Variants in RBBP8 observed in about 807,000 individuals in gnomAD.
RBBP8 encodes the protein RB binding protein 8, endonuclease.
RBBP8 carries 88 observed loss-of-function variants against 108.3 expected under a neutral mutation model. The ratio of observed to expected loss-of-function variants is 0.81; its 90% CI spans 0.68 to 0.97. RBBP8 has a LOEUF of 0.97. Ranked by LOEUF, RBBP8 falls within the 50% of genes least tolerant of loss-of-function variation. RBBP8 has a pLI of 0.00. For synonymous variants in RBBP8, 332 were observed against 348.2 expected (o/e 0.95, Z 0.52); for missense variants, 1,023 against 1,049.0 (o/e 0.98, Z 0.34).
intron 3 of RBBP8, among the ~76,000 whole-genome samples, chr18:22,923,827 C>T (rs963728519): frequency 6.6e-6 from 1 of 152,142 alleles, no homozygotes; most frequent in Non-Finnish European, 1.5e-5. Flanking sequence ...AACTCACAAC[C>T]AGGGCTGGGA....
In RBBP8 at chr18:22,980,474, T is replaced by C. The variant is rs73966417; in HGVS notation, c.429-1744T>C. 1.5e-3 allele frequency among the ~76,000 whole-genome samples: 230 copies of C among 152,136 alleles called. 1 individual carries two copies. Among genetic ancestry groups the C allele is most frequent in the African/African-American group, 5.3e-3 (219 of 41,496 alleles). On this transcript the variant is annotated intron_variant, in intron 6 of 18. Transcript: ENST00000327155. ...TGAGCATTCCAAGCAGGTGGAACAA[T>C]TGGTGCAAAGAACCTAAGGTGGGAG...
chr18:22,968,705 G>A (rs563120942), intron 4 of RBBP8, 101 bp from the exon 5 acceptor site: 16 of 889,060 alleles, frequency 1.8e-5, no homozygotes, highest in East Asian at 1.4e-4. Context: ...GATTTTCACA[G>A]TATTTGCCAA....
chr18:22,975,158 G>T lies in RBBP8; in HGVS notation c.367G>T (p.Glu123Ter), dbSNP rs370650618. The change falls in exon 6 of 19, where the codon GAA becomes TAA. Residue 123 changes from glutamate to a stop codon, truncating the protein, a stop_gained. Transcript: ENST00000327155. LOFTEE classifies it high-confidence loss of function. ...TTTTTCACATTGTTTTTAAGTGAAT[G>T]AAAGGAATACTCTACAGGAAGAAAA... Reference protein sequence around the residue: ...NLKLITELMNERNTLQEENKK... With the variant: ...NLKLITELMN The T allele has an allele frequency of 3.1e-6, 5 of 1,610,812 alleles. No individual in the cohort carries two copies. The highest frequency in any genetic ancestry group is 1.3e-5 in the African/African-American group (1 of 74,782).
chr18:22,975,463 A>G (rs1379944009), intron 6 of RBBP8, among the ~76,000 whole-genome samples: 1 of 152,096 alleles, frequency 6.6e-6, no homozygotes, highest in East Asian at 1.9e-4. Flanking sequence ...GATTTATTAT[A>G]AATAATACAT....
At chr18:22,958,442 G>C (rs1019545033) in intron 4 of RBBP8, among the ~76,000 whole-genome samples, 1 of 152,058 alleles carries the variant, frequency 6.6e-6, no homozygotes, top group African/African-American at 2.4e-5. Flanking sequence ...TTTTTTTCTA[G>C]AATTTCTCAC....
intron 3 of RBBP8, among the ~76,000 whole-genome samples, chr18:22,927,834 G>A (rs1231403586): frequency 6.6e-6 from 1 of 151,876 alleles, no homozygotes; most frequent in Non-Finnish European, 1.5e-5. Flanking sequence ...GGCAGAGGTT[G>A]CAGTGAGTCG....
chr18:23,018,218 C>T (rs1386183421), intron 17 of RBBP8, among the ~76,000 whole-genome samples: 3 of 151,598 alleles, frequency 2.0e-5, no homozygotes, highest in East Asian at 1.9e-4. Context: ...CCACCATGCC[C>T]GGCTAATTTT....
chr18:22,992,935 T>C lies in RBBP8; in HGVS notation c.1108T>C (p.Ser370Pro). 6.2e-7 allele frequency: 1 copy of C among 1,613,742 alleles called. No homozygotes were observed. Among genetic ancestry groups the C allele is most frequent in the South Asian group, 1.1e-5 (1 of 91,054 alleles). The change falls in exon 11 of 19, where the codon TCT becomes CCT. Residue 370 changes from serine to proline, a missense_variant. Transcript: ENST00000327155. ...KTLPFSNTCI[S>P]RLEKTRSKSE... ...ACTCCCTTTTAGCAACACTTGTATATCTAGATTAGAAAAAACTAGATCAAA... is the reference window on the plus strand; with the variant it reads ...ACTCCCTTTTAGCAACACTTGTATACCTAGATTAGAAAAAACTAGATCAAA...
At chr18:22,982,993 A>G (rs1475108755) in intron 7 of RBBP8, among the ~76,000 whole-genome samples, 1 of 152,128 alleles carries the variant, frequency 6.6e-6, no homozygotes, top group African/African-American at 2.4e-5. Flanking sequence ...GTAACTGGCT[A>G]TTTTTATTTG....
chr18:22,918,980 A>C (rs1357652178), intron 3 of RBBP8, among the ~76,000 whole-genome samples: 3 of 152,222 alleles, frequency 2.0e-5, no homozygotes, highest in Non-Finnish European at 4.4e-5. Flanking sequence ...TCTGAATTAA[A>C]TTTATTATAG....
In RBBP8 at chr18:23,016,931, A is replaced by C. The variant is rs748986601; in HGVS notation, c.2454+7A>C. 2 of 1,594,196 alleles carry C rather than the reference A, an allele frequency of 1.3e-6. No homozygotes were observed. The highest frequency in any genetic ancestry group is 4.5e-5 in the East Asian group (2 of 44,740). On this transcript the variant is annotated splice_region_variant and intron_variant, in intron 17 of 18. Transcript: ENST00000327155. ...GTGTAAGGAATGTGAAATTGTAAGT[A>C]CTAATGTAGATACTAATTTTTTTTT...
upstream of RBBP8, among the ~76,000 whole-genome samples, chr18:22,928,529 A>G (rs1213263987): frequency 6.6e-6 from 1 of 152,206 alleles, no homozygotes; most frequent in African/African-American, 2.4e-5. Context: ...AGTAAGACAC[A>G]GCCAAGGGAA....
intron 6 of RBBP8, among the ~76,000 whole-genome samples, chr18:22,979,263 T>G (rs1914718927): frequency 6.6e-6 from 1 of 152,186 alleles, no homozygotes; most frequent in African/African-American, 2.4e-5. Context: ...AGACTCCGTC[T>G]CAAAAACATA....
intron 18 of RBBP8, among the ~76,000 whole-genome samples, chr18:23,023,074 T>TC (rs1018728798): frequency 2.0e-5 from 3 of 150,822 alleles, no homozygotes; most frequent in South Asian, 4.2e-4. Flanking sequence ...TTTTTTTTTT[T>TC]CCCCCTAGAG....
rs183444796 is a variant in RBBP8 at position 23,006,961 on chromosome 18, T to C, written c.2357+529T>C. Among the ~76,000 whole-genome samples, 1,127 of 151,904 alleles carry C rather than the reference T, an allele frequency of 7.4e-3. 9 individuals are homozygous for C. Among genetic ancestry groups the C allele is most frequent in the South Asian group, 0.022 (106 of 4,802 alleles). Reference sequence around the variant, plus strand: ...TGGCACCATCACCTTTTTTTGGCAGTGGTAATAGTTATTTTCTCTGCTTTT... The same window carrying C: ...TGGCACCATCACCTTTTTTTGGCAGCGGTAATAGTTATTTTCTCTGCTTTT... On this transcript the variant is annotated intron_variant, in intron 16 of 18. Transcript: ENST00000327155.
At chr18:22,930,532 T>C (rs539867952), upstream of RBBP8, among the ~76,000 whole-genome samples, 32 of 152,344 alleles carry the variant, frequency 2.1e-4, no homozygotes, top group South Asian at 6.0e-3. Context: ...ATTTATTCCA[T>C]GTGGTTCTTA....
intron 17 of RBBP8, among the ~76,000 whole-genome samples, chr18:23,017,738 G>GTTTT: frequency 7.7e-6 from 1 of 130,176 alleles, no homozygotes; most frequent in South Asian, 2.4e-4. Flanking sequence ...ACCAATATAA[G>GTTTT]TTCTTTTTTT....
At position 23,016,982 on chromosome 18, in the gene RBBP8, G is replaced by A. The variant is rs2046267188; in HGVS notation, c.2454+58G>A. On this transcript the variant is annotated intron_variant, in intron 17 of 18. Coordinates refer to ENST00000327155, the MANE Select transcript of RBBP8 (RefSeq NM_002894.3). ...AAGTACGGCTTTATAGATAATAAATGCATGATTTTAAAATCACGTATACAA... is the reference window on the plus strand; with the variant it reads ...AAGTACGGCTTTATAGATAATAAATACATGATTTTAAAATCACGTATACAA... 5 of 1,248,648 alleles carry A rather than the reference G, an allele frequency of 4.0e-6. No homozygotes were observed. The East Asian group carries it at 1.2e-4, about 30-fold the overall frequency. The allele number at this position is 1,248,648 out of a possible 1,614,324, so 77.3% of individuals were successfully genotyped here. A position where few individuals can be genotyped will look rare whatever the true frequency, so the allele number is the denominator to read the frequency against.
chr18:22,985,700 C>T (rs184285764), intron 8 of RBBP8, among the ~76,000 whole-genome samples: 7 of 152,002 alleles, frequency 4.6e-5, no homozygotes, highest in African/African-American at 1.4e-4. Context: ...AGTTTGGTTT[C>T]GGTAATATTC....
Sources: gnomAD v4.1 joint callset for allele counts (sites outside exome capture counted in the v4.1 genomes callset) on GRCh38, gnomAD v4.1.1 for gene constraint, MANE v1.5 for transcripts, NCBI Gene and HGNC (gene_info 2026-07-23, HGNC 2026-07-21) for gene names.